The following NALCN variants were observed in gnomAD, a reference collection of about 807,000 sequenced individuals.
NALCN encodes sodium leak channel NALCN.
A neutral mutation model predicts 225.3 loss-of-function variants in NALCN; 111 were observed. That is an observed-to-expected ratio of 0.49 (90% CI 0.42 to 0.58). The LOEUF (loss-of-function observed/expected upper bound fraction) is 0.58. Ranked by LOEUF, NALCN falls within the 20% of genes least tolerant of loss-of-function variation. The probability of loss-of-function intolerance (pLI) is 0.00; values close to 1 mark genes in which losing one functional copy is unlikely to be tolerated. For synonymous variants in NALCN, 764 were observed against 769.0 expected (o/e 0.99, Z 0.11); for missense variants, 1,378 against 2,202.4 (o/e 0.63, Z 7.49).
At chr13:101,283,313 T>A (rs967233086) in intron 10 of NALCN, among the ~76,000 whole-genome samples, 1 of 152,138 alleles carries the variant, frequency 6.6e-6, no homozygotes, top group East Asian at 1.9e-4. Flanking sequence ...AGGAGTTTAT[T>A]GGGCCTTATT....
chr13:101,108,531 G>T (rs759208209), intron 20 of NALCN, among the ~76,000 whole-genome samples: 1 of 152,212 alleles, frequency 6.6e-6, no homozygotes, highest in Non-Finnish European at 1.5e-5. Context: ...AAATGAACAG[G>T]TCAGGGTAGA....
At chr13:101,229,370 T>C (rs1392647337) in intron 13 of NALCN, 23 bp downstream of exon 13, 1 of 1,502,580 alleles carries the variant, frequency 6.7e-7, no homozygotes, top group Admixed American at 2.4e-5. Flanking sequence ...GAATTTAACT[T>C]ACTGCATTTT....
chr13:101,166,420 A>G (rs543215447), intron 15 of NALCN, among the ~76,000 whole-genome samples: 5 of 151,440 alleles, frequency 3.3e-5, no homozygotes, highest in South Asian at 2.1e-4. Context: ...TTTTTTTGAT[A>G]GTGGCCATTC....
intron 7 of NALCN, among the ~76,000 whole-genome samples, chr13:101,331,177 G>A (rs1054297914): frequency 6.6e-6 from 1 of 152,068 alleles, no homozygotes; most frequent in African/African-American, 2.4e-5. Flanking sequence ...TGAGCTCATA[G>A]CCAATATTAT....
intron 1 of NALCN, among the ~76,000 whole-genome samples, chr13:101,403,672 G>T (rs1259020724): frequency 1.3e-5 from 2 of 152,164 alleles, no homozygotes. Flanking sequence ...TGTTATTAAG[G>T]TTGTCAATAC....
rs189440220 is a variant in NALCN, at chr13:101,070,163, C to T, written c.4198-1336G>A. ...CTCACTGCAAGCTCCGCCTCCTGGG[C>T]TTACGCCATTCTCCTGCCTCAGCCT... On this transcript the variant is annotated intron_variant, in intron 37 of 43. Coordinates refer to ENST00000251127, the MANE Select transcript of NALCN (RefSeq NM_052867.4). Among the ~76,000 whole-genome samples, 478 of 150,096 alleles carry T rather than the reference C, an allele frequency of 3.2e-3. 3 individuals carry two copies. Among genetic ancestry groups the T allele is most frequent in the African/African-American group, 0.011 (454 of 40,904 alleles).
At position 101,231,339 on chromosome 13, in the gene NALCN, CTT is replaced by C. The variant is rs553803029; in HGVS notation, c.1435-1757_1435-1756del. Among the ~76,000 whole-genome samples, 500 of 152,210 alleles carry C rather than the reference CTT, an allele frequency of 3.3e-3. 2 individuals carry two copies. The highest frequency in any genetic ancestry group is 0.012 in the African/African-American group (480 of 41,530). ...CCTTTATTGATTACTATGTGCCAAA[CTT>C]TGTGTTGGACAAATAGGATTCAATG... On this transcript the variant is annotated intron_variant, in intron 12 of 43. Coordinates refer to ENST00000251127, the MANE Select transcript of NALCN (RefSeq NM_052867.4).
chr13:101,071,935 C>A (rs889520565), intron 37 of NALCN, among the ~76,000 whole-genome samples: 2 of 151,988 alleles, frequency 1.3e-5, no homozygotes, highest in Admixed American at 6.6e-5. Flanking sequence ...GGCCTAATGT[C>A]AATATTGTTG....
chr13:101,246,094 T>C (rs1217193763), intron 11 of NALCN, among the ~76,000 whole-genome samples: 1 of 152,186 alleles, frequency 6.6e-6, no homozygotes, highest in Non-Finnish European at 1.5e-5. Context: ...TTTCCTTGCT[T>C]CTTTCTTTCC....
chr13:101,100,674 GT>G lies in NALCN; in HGVS notation c.3162+109del, dbSNP rs57703343. ...TAGCTCACTGCAACCTTGACCTCCA[GT>G]TTCAAGTAATCTTCCCTCCTTGGCA... On this transcript the variant is annotated intron_variant, in intron 27 of 43. Coordinates refer to ENST00000251127, the MANE Select transcript of NALCN (RefSeq NM_052867.4). 881,042 of 881,128 alleles carry G rather than the reference GT, an allele frequency of 1. 440,478 individuals are homozygous for G. The highest frequency in any genetic ancestry group is 1 in the Middle Eastern group (4,322 of 4,322). The allele number at this position is 881,128 out of a possible 1,614,324, so 54.6% of individuals were successfully genotyped here.
At chr13:101,107,439 G>A (rs761277108) in intron 22 of NALCN, 48 bp downstream of exon 22, 1 of 1,612,284 alleles carries the variant, frequency 6.2e-7, no homozygotes, top group African/African-American at 1.3e-5. Flanking sequence ...CACCCCTGCT[G>A]TTTGCATGGC....
chr13:101,227,943 T>C (rs1046712056), intron 13 of NALCN, among the ~76,000 whole-genome samples: 4 of 152,230 alleles, frequency 2.6e-5, no homozygotes, highest in Non-Finnish European at 5.9e-5. Flanking sequence ...CATCCAGCCA[T>C]TGGAGTCACC....
At chr13:101,167,278 T>C (rs1427571805) in intron 15 of NALCN, among the ~76,000 whole-genome samples, 1 of 152,220 alleles carries the variant, frequency 6.6e-6, no homozygotes, top group East Asian at 1.9e-4. Context: ...AAAGATTGCA[T>C]TGAATCTGTA....
rs187940401 is a variant in NALCN, at chr13:101,337,468, C to T, written c.799+7798G>A. ...GGATTACTGGCACCCGCCATCATGC[C>T]CAGCTAATTTTTGTATTTCTGTAGA... On this transcript the variant is annotated intron_variant, in intron 7 of 43. Transcript: ENST00000251127. 8.9e-3 allele frequency among the ~76,000 whole-genome samples: 1,354 copies of T among 152,050 alleles called. 12 individuals are homozygous for T. The highest frequency in any genetic ancestry group is 0.014 in the Middle Eastern group (4 of 294).
chr13:101,415,204 C>CATATATATATATATATATATAT (rs1566668976), intron 1 of NALCN, among the ~76,000 whole-genome samples: 3 of 30,540 alleles, frequency 9.8e-5, no homozygotes, highest in South Asian at 8.5e-4. Context: ...ATACAAATCA[C>CATATATATATATATATATATAT]ACACATATAT....
At chr13:101,410,240 T>C (rs187419543) in intron 1 of NALCN, among the ~76,000 whole-genome samples, 175 of 152,294 alleles carry the variant, frequency 1.1e-3, no homozygotes, top group African/African-American at 3.8e-3. Flanking sequence ...AAACAGGACA[T>C]TGTATTTTTT....
At chr13:101,414,433 C>A (rs972117040) in intron 1 of NALCN, among the ~76,000 whole-genome samples, 4 of 152,092 alleles carry the variant, frequency 2.6e-5, no homozygotes, top group African/African-American at 9.7e-5. Context: ...GTGACTCTGA[C>A]CTGGGATAAA....
rs996579166 is a variant in NALCN at position 101,152,686 on chromosome 13, T to C, written c.1840-7790A>G. On this transcript the variant is annotated intron_variant, in intron 15 of 43. Coordinates refer to ENST00000251127, the MANE Select transcript of NALCN (RefSeq NM_052867.4). ...TCCTTTAATATCCCATTAATGTAAT[T>C]AATAATTTCTTAGAGACAGTGGTGA... Among the ~76,000 whole-genome samples the C allele has an allele frequency of 4.6e-5, 7 of 152,222 alleles. No individual in the cohort carries two copies. The South Asian group carries it at 6.2e-4, about 14-fold the overall frequency.
chr13:101,204,031 A>G (rs1209162297), intron 13 of NALCN, among the ~76,000 whole-genome samples: 2 of 152,222 alleles, frequency 1.3e-5, no homozygotes, highest in South Asian at 2.1e-4. Context: ...GTTAAAACGC[A>G]ATGGAACACT....
Sources: allele counts gnomAD v4.1 joint callset (sites outside exome capture counted in the v4.1 genomes callset), GRCh38; gene constraint gnomAD v4.1.1; transcripts MANE v1.5; gene names NCBI Gene and HGNC (gene_info 2026-07-23, HGNC 2026-07-21).